The following GSK3B variants were observed in gnomAD, a reference collection of about 807,000 sequenced individuals.
GSK3B encodes glycogen synthase kinase-3 beta.
GSK3B carries 15 observed loss-of-function variants against 56.4 expected under a neutral mutation model. The ratio of observed to expected loss-of-function variants is 0.27; its 90% CI spans 0.18 to 0.41. The LOEUF (loss-of-function observed/expected upper bound fraction) is 0.41. Among genes scored for constraint, GSK3B ranks in the 10% least tolerant of loss-of-function variants. GSK3B has a pLI of 1.00. For synonymous variants in GSK3B, 181 were observed against 188.9 expected, an observed-to-expected ratio of 0.96 and a Z score of 0.34; for missense variants, 300 against 513.4, an observed-to-expected ratio of 0.58 and a Z score of 4.02.
chr3:119,946,244 C>T (rs1250152187), intron 3 of GSK3B, among the ~76,000 whole-genome samples: 1 of 151,860 alleles, frequency 6.6e-6, no homozygotes, highest in Non-Finnish European at 1.5e-5. Context: ...TGACATCTTC[C>T]TATATAATAG....
rs190537278 is a variant in GSK3B at position 120,063,719 on chromosome 3, C to T, written c.88+29628G>A. On this transcript the variant is annotated intron_variant, in intron 1 of 10. Transcript: ENST00000264235. ...CTGCAGCCTGGGTGACAGAGCGAGA[C>T]TCTGTCTCAAAAAAAAAAAAAAAAA... is the stretch of plus-strand genomic sequence containing the variant. Among the ~76,000 whole-genome samples, 633 of 126,606 alleles carry T rather than the reference C, an allele frequency of 5.0e-3. 4 individuals are homozygous for T. Among genetic ancestry groups the T allele is most frequent in the Middle Eastern group, 0.019 (3 of 160 alleles). 83.1% of individuals were successfully genotyped at this position (126,606 alleles called of 152,430 possible).
At chr3:120,038,898 G>C (rs763400271) in intron 1 of GSK3B, among the ~76,000 whole-genome samples, 2 of 151,332 alleles carry the variant, frequency 1.3e-5, no homozygotes, top group Non-Finnish European at 2.9e-5. Context: ...TATGAAACAG[G>C]ATGAAAAGAC....
At position 119,916,077 on chromosome 3, in the gene GSK3B, T is replaced by C; in HGVS notation, c.575A>G (p.Asp192Gly). 1 of 1,613,238 alleles carries C rather than the reference T, an allele frequency of 6.2e-7. No homozygotes were observed. Among genetic ancestry groups the C allele is most frequent in the Non-Finnish European group, 8.5e-7 (1 of 1,179,386 alleles). Reference sequence around the variant, plus strand: ...GTCACAGAGTTTTAATACAGCAGTATCAGGATCCAACAAGAGGTTCTGCGG... The same window carrying C: ...GTCACAGAGTTTTAATACAGCAGTACCAGGATCCAACAAGAGGTTCTGCGG... ...IKPQNLLLDP[D>G]TAVLKLCDFG... Residue 192 changes from aspartate (D) to glycine (G), a missense_variant, in exon 5 of 11, where the codon GAT (aspartate) becomes GGT (glycine). Physicochemically the swap from Asp to Gly is moderately conservative, Grantham distance 94. Transcript: ENST00000264235.
chr3:119,980,810 C>G (rs994602334), intron 2 of GSK3B, among the ~76,000 whole-genome samples: 1 of 152,170 alleles, frequency 6.6e-6, no homozygotes, highest in African/African-American at 2.4e-5. Context: ...GAATGGTTAT[C>G]ATCTGTGACA....
intron 2 of GSK3B, among the ~76,000 whole-genome samples, chr3:119,962,798 C>T (rs1238358240): frequency 5.3e-5 from 8 of 152,162 alleles, no homozygotes; most frequent in Admixed American, 5.2e-4. Context: ...CGGTGAGGGG[C>T]TGGTGGGAAG....
At chr3:120,082,042 A>T (rs2058424025) in intron 1 of GSK3B, among the ~76,000 whole-genome samples, 1 of 152,182 alleles carries the variant, frequency 6.6e-6, no homozygotes, top group African/African-American at 2.4e-5. Context: ...TAAGGACAAC[A>T]CCTAATTATC....
At chr3:120,060,509 T>G (rs576400549) in intron 1 of GSK3B, among the ~76,000 whole-genome samples, 81 of 152,130 alleles carry the variant, frequency 5.3e-4, no homozygotes, top group African/African-American at 1.9e-3. Context: ...GGAGAATCAC[T>G]GGAGCCCAGG....
At chr3:119,904,381 A>G (rs563112689) in intron 7 of GSK3B, among the ~76,000 whole-genome samples, 14 of 152,328 alleles carry the variant, frequency 9.2e-5, no homozygotes, top group African/African-American at 3.1e-4. Context: ...TCTGTTAACA[A>G]GTGTAAAAGA....
At chr3:120,021,469 T>C (rs549678663) in intron 1 of GSK3B, among the ~76,000 whole-genome samples, 232 of 151,642 alleles carry the variant, frequency 1.5e-3, no homozygotes, top group South Asian at 0.012. Flanking sequence ...TGAGCCGAGA[T>C]TGCGCCACGG....
chr3:119,888,943 T>G (rs934202572), intron 7 of GSK3B, among the ~76,000 whole-genome samples: 4 of 152,070 alleles, frequency 2.6e-5, no homozygotes, highest in Non-Finnish European at 5.9e-5. Context: ...CCTGGTAAAT[T>G]TGAGGTCAGA....
intron 1 of GSK3B, among the ~76,000 whole-genome samples, chr3:120,057,277 AG>A (rs2058199094): frequency 1.3e-5 from 2 of 152,240 alleles, no homozygotes; most frequent in Admixed American, 1.3e-4. Flanking sequence ...TTAGAAAAAC[AG>A]GTCGCCAGAT....
intron 1 of GSK3B, among the ~76,000 whole-genome samples, chr3:120,021,492 G>T (rs2057877573): frequency 6.6e-6 from 1 of 151,840 alleles, no homozygotes; most frequent in Non-Finnish European, 1.5e-5. Flanking sequence ...CTCCAGCCTG[G>T]GCAACAGAGT....
intron 1 of GSK3B, among the ~76,000 whole-genome samples, chr3:120,052,124 T>A (rs958342377): frequency 1.3e-5 from 2 of 152,228 alleles, no homozygotes; most frequent in African/African-American, 2.4e-5. Context: ...TAAAGAGGGC[T>A]ACCCCAGAAA....
At chr3:119,947,148 A>G in intron 3 of GSK3B, 120 bp downstream of exon 3, 1 of 665,994 alleles carries the variant, frequency 1.5e-6, no homozygotes, top group South Asian at 1.8e-5. Context: ...TTGCTGGGGC[A>G]AGTGTTTCGG....
At chr3:120,003,626 G>C (rs1320838217) in intron 1 of GSK3B, among the ~76,000 whole-genome samples, 5 of 152,004 alleles carry the variant, frequency 3.3e-5, no homozygotes, top group South Asian at 4.1e-4. Flanking sequence ...AATATAAATT[G>C]CTAGATAAAT....
rs1240882316 is a variant in GSK3B, at chr3:120,054,391, C to T, written c.88+38956G>A. ...TCCTCCACTTCTCCAGCTTCTACAC[C>T]CAACTTCCCAGTTTAGTTGCTTTTT... On this transcript the variant is annotated intron_variant, in intron 1 of 10. Transcript: ENST00000264235. 5.3e-5 allele frequency among the ~76,000 whole-genome samples: 8 copies of T among 152,272 alleles called. 1 individual carries two copies. The East Asian group carries it at 1.5e-3, about 29-fold the overall frequency.
intron 10 of GSK3B, among the ~76,000 whole-genome samples, chr3:119,835,458 A>T (rs764812993): frequency 2.0e-5 from 3 of 152,246 alleles, no homozygotes; most frequent in Non-Finnish European, 4.4e-5. Flanking sequence ...ACTATGGTAT[A>T]GCCTTAGGAT....
rs1181553690 is a variant in GSK3B, at chr3:119,854,236, T to C, written c.1096+9183A>G. ...TGGATTATGTTTATTGATTTGCGTA[T>C]GATGAACCAGCTTTGCATCCCAGGG... is the stretch of plus-strand genomic sequence containing the variant. On this transcript the variant is annotated intron_variant, in intron 9 of 10. Coordinates refer to ENST00000264235, the MANE Select transcript of GSK3B (RefSeq NM_001146156.2). Among the ~76,000 whole-genome samples, 4 of 152,224 alleles carry C rather than the reference T, an allele frequency of 2.6e-5. No homozygotes were observed. In the East Asian group the frequency reaches 7.7e-4, roughly 29 times the overall value.
chr3:119,969,291 CAA>C (rs112664898), intron 2 of GSK3B, among the ~76,000 whole-genome samples: 18 of 106,768 alleles, frequency 1.7e-4, no homozygotes, highest in African/African-American at 3.0e-4. Context: ...GACTCCATCT[CAA>C]AAAAAAAAAA....
Sources: allele counts gnomAD v4.1 joint callset (sites outside exome capture counted in the v4.1 genomes callset), GRCh38; gene constraint gnomAD v4.1.1; transcripts MANE v1.5; gene names NCBI Gene and HGNC (gene_info 2026-07-23, HGNC 2026-07-21).